The following NLGN1 variants were observed in gnomAD, a reference collection of about 807,000 sequenced individuals.
The protein encoded by NLGN1 is neuroligin 1.
NLGN1 carries 12 observed loss-of-function variants against 65.5 expected under a neutral mutation model. The observed-to-expected ratio is 0.18, with a 90% CI of 0.12 to 0.30. NLGN1 has a LOEUF of 0.30. NLGN1 is among the 10% of genes least tolerant of loss of function. The probability of loss-of-function intolerance (pLI) is 1.00; values close to 1 mark genes in which losing one functional copy is unlikely to be tolerated. For synonymous variants in NLGN1, 350 were observed against 359.5 expected (o/e 0.97, Z 0.30); for missense variants, 750 against 1,007.1 (o/e 0.74, Z 3.46).
chr3:173,763,937 T>C (rs1335610384), intron 3 of NLGN1, among the ~76,000 whole-genome samples: 1 of 152,192 alleles, frequency 6.6e-6, no homozygotes, highest in Non-Finnish European at 1.5e-5. Flanking sequence ...AAGATCATTT[T>C]ATATTCAAAC....
At chr3:174,022,767 A>G (rs954806882) in intron 4 of NLGN1, among the ~76,000 whole-genome samples, 12 of 152,040 alleles carry the variant, frequency 7.9e-5, no homozygotes, top group African/African-American at 2.9e-4. Flanking sequence ...CTTGGTAGAA[A>G]GTTTCCCAAG....
chr3:173,679,316 A>C (rs1038051416), intron 3 of NLGN1, among the ~76,000 whole-genome samples: 1 of 152,062 alleles, frequency 6.6e-6, no homozygotes, highest in Non-Finnish European at 1.5e-5. Context: ...TCAAGAAATT[A>C]GAGGTTCCAG....
intron 4 of NLGN1, among the ~76,000 whole-genome samples, chr3:173,854,919 C>T (rs1384591205): frequency 6.6e-6 from 1 of 152,028 alleles, no homozygotes; most frequent in African/African-American, 2.4e-5. Flanking sequence ...AATCATACTA[C>T]AAGATACAAA....
chr3:174,138,559 C>G (rs984322471), intron 4 of NLGN1, among the ~76,000 whole-genome samples: 24 of 151,916 alleles, frequency 1.6e-4, no homozygotes, highest in Non-Finnish European at 3.2e-4. Context: ...CTCAGCCTCC[C>G]AAATAGCTGG....
chr3:173,544,711 T>C (rs138662471), intron 2 of NLGN1, among the ~76,000 whole-genome samples: 14 of 152,146 alleles, frequency 9.2e-5, no homozygotes, highest in Non-Finnish European at 1.6e-4. Context: ...GATATACAGA[T>C]TTGGAATTTT....
At chr3:174,292,501 A>C in the NLGN1 span, among the ~76,000 whole-genome samples, 2 of 145,784 alleles carry the variant, frequency 1.4e-5, no homozygotes, top group Admixed American at 1.4e-4. Context: ...TTAAATTCTA[A>C]AGTGAATAAT....
chr3:173,691,855 G>GA (rs1426549962), intron 3 of NLGN1, among the ~76,000 whole-genome samples: 1 of 151,520 alleles, frequency 6.6e-6, no homozygotes, highest in Non-Finnish European at 1.5e-5. Context: ...AAGATTTTTG[G>GA]AAAAAAAATA....
intron 1 of NLGN1, among the ~76,000 whole-genome samples, chr3:173,430,145 C>T (rs1716923032): frequency 6.6e-6 from 1 of 152,136 alleles, no homozygotes; most frequent in Non-Finnish European, 1.5e-5. Context: ...TCTGCTAGAA[C>T]CTTTCTGCAT....
chr3:173,501,100 A>C (rs1005401259), intron 2 of NLGN1, among the ~76,000 whole-genome samples: 1 of 152,014 alleles, frequency 6.6e-6, no homozygotes, highest in African/African-American at 2.4e-5. Context: ...GTATTTATTT[A>C]TTTTGTTAAT....
chr3:174,281,015 G>A (rs750025201), exon 7 of NLGN1: 12 of 1,613,234 alleles, frequency 7.4e-6, no homozygotes, highest in Non-Finnish European at 1.0e-5. Context: ...CACAAGAAGA[G>A]GAAATCATGT....
chr3:173,525,148 A>G (rs1446782872), intron 2 of NLGN1, among the ~76,000 whole-genome samples: 2 of 152,076 alleles, frequency 1.3e-5, no homozygotes, highest in African/African-American at 4.8e-5. Flanking sequence ...GAGTTTTTGA[A>G]ATAGTTTCAG....
chr3:173,896,781 A>G (rs1321482711), intron 4 of NLGN1, among the ~76,000 whole-genome samples: 1 of 152,006 alleles, frequency 6.6e-6, no homozygotes, highest in Non-Finnish European at 1.5e-5. Flanking sequence ...CCACCTCCTT[A>G]TCTAGCACCA....
chr3:173,617,376 A>G (rs1030523703), intron 3 of NLGN1, among the ~76,000 whole-genome samples: 1 of 152,236 alleles, frequency 6.6e-6, no homozygotes, highest in African/African-American at 2.4e-5. Context: ...CAAGGAATTC[A>G]ATAAACATTC....
chr3:173,674,067 C>T (rs1162013608), intron 3 of NLGN1, among the ~76,000 whole-genome samples: 2 of 151,970 alleles, frequency 1.3e-5, no homozygotes, highest in East Asian at 1.9e-4. Flanking sequence ...GTGAATCGGC[C>T]GTATGTTCCC....
At chr3:174,024,094 G>C (rs1728331432) in intron 4 of NLGN1, among the ~76,000 whole-genome samples, 1 of 138,922 alleles carries the variant, frequency 7.2e-6, no homozygotes, top group Non-Finnish European at 1.5e-5. Flanking sequence ...ACAGGGCTTT[G>C]TCCACTGTCT....
intron 4 of NLGN1, among the ~76,000 whole-genome samples, chr3:174,142,931 C>G (rs1022747863): frequency 6.6e-6 from 1 of 152,036 alleles, no homozygotes; most frequent in East Asian, 1.9e-4. Flanking sequence ...TCTGGTGAGG[C>G]CTCAGGAAAC....
chr3:174,036,249 A>G (rs910983393), intron 4 of NLGN1, among the ~76,000 whole-genome samples: 2 of 152,156 alleles, frequency 1.3e-5, no homozygotes, highest in African/African-American at 2.4e-5. Context: ...TATTTTATCC[A>G]TATTAGTTTT....
intron 4 of NLGN1, among the ~76,000 whole-genome samples, chr3:174,219,551 A>G (rs1318131002): frequency 6.6e-6 from 1 of 152,134 alleles, no homozygotes; most frequent in African/African-American, 2.4e-5. Context: ...TACATTTCAG[A>G]TGATTACCTG....
intron 4 of NLGN1, among the ~76,000 whole-genome samples, chr3:173,902,178 G>T (rs902822791): frequency 1.3e-5 from 2 of 152,040 alleles, no homozygotes; most frequent in African/African-American, 4.8e-5. Context: ...CTTTTAGCTT[G>T]AATACTTTTT....
Sources: allele counts gnomAD v4.1 joint callset (sites outside exome capture counted in the v4.1 genomes callset), GRCh38; gene constraint gnomAD v4.1.1; transcripts MANE v1.5; gene names NCBI Gene and HGNC (gene_info 2026-07-23, HGNC 2026-07-21).